The following LRRC73 variants were observed in gnomAD, a reference collection of about 807,000 sequenced individuals.
The protein encoded by LRRC73 is leucine-rich repeat-containing protein 73.
In LRRC73, 16 loss-of-function variants were observed where a neutral mutation model predicts 26.4. That is an observed-to-expected ratio of 0.61 (90% CI 0.41 to 0.92). The LOEUF is 0.92. LRRC73 is among the 40% of genes least tolerant of loss of function. The pLI is 0.00. For synonymous variants in LRRC73, 210 were observed against 179.8 expected, an observed-to-expected ratio of 1.17 and a Z score of -1.34; for missense variants, 344 against 416.3, an observed-to-expected ratio of 0.83 and a Z score of 1.51.
exon 1 of LRRC73, chr6:43,509,841 C>G: frequency 7.2e-7 from 1 of 1,393,700 alleles, no homozygotes; most frequent in Non-Finnish European, 9.3e-7. Flanking sequence ...GGTGGGGCCG[C>G]GGGCGGGGCC....
chr6:43,508,668 C>T (rs1239212321), intron 2 of LRRC73, 92 bp downstream of exon 2: 1 of 1,497,048 alleles, frequency 6.7e-7, no homozygotes, highest in Non-Finnish European at 9.0e-7. Context: ...TCGCCCACAT[C>T]ATCAGAGCTC....
intron 2 of LRRC73, 91 bp from the exon 3 acceptor site, chr6:43,508,511 T>G: frequency 6.3e-7 from 1 of 1,575,662 alleles, no homozygotes; most frequent in Non-Finnish European, 8.6e-7. Context: ...GGGGTGTCCC[T>G]AGTGGCTGGG....
At chr6:43,508,560 A>C in intron 2 of LRRC73, 140 bp from the exon 3 acceptor site, 1 of 1,429,644 alleles carries the variant, frequency 7.0e-7, no homozygotes, top group Non-Finnish European at 9.5e-7. Flanking sequence ...AGAGCCATTA[A>C]GGAGGCCCAT....
At chr6:43,507,962 A>T (rs751106636) in intron 3 of LRRC73, 36 bp from the exon 4 acceptor site, 2 of 1,558,528 alleles carry the variant, frequency 1.3e-6, no homozygotes, top group Non-Finnish European at 1.8e-6. Flanking sequence ...ATTCATACAC[A>T]TGCCTGCTAA....
exon 1 of LRRC73, chr6:43,510,068 C>T: frequency 4.0e-6 from 1 of 252,334 alleles, no homozygotes; most frequent in Non-Finnish European, 7.4e-6. Context: ...GGGCGGCCCG[C>T]ACGGTCCGTG....
In LRRC73 at chr6:43,507,811, A is replaced by G; in HGVS notation, c.657+15T>C. On this transcript the variant is annotated intron_variant, in intron 4 of 5. Coordinates refer to ENST00000372441, the Ensembl canonical transcript of LRRC73. ...CCCCATCCCCTGGCCGTGCCCAAAC[A>G]TGACGACTTCCCACCTGAGCTGACT... is the stretch of plus-strand genomic sequence containing the variant. 1 of 1,612,950 alleles carries G rather than the reference A, an allele frequency of 6.2e-7. No homozygotes were observed. The highest frequency in any genetic ancestry group is 1.3e-5 in the African/African-American group (1 of 74,986).
intron 3 of LRRC73, 109 bp from the exon 4 acceptor site, chr6:43,508,035 C>T (rs1325610126): frequency 1.8e-6 from 2 of 1,091,230 alleles, no homozygotes; most frequent in Non-Finnish European, 1.3e-6. Context: ...GCCAAGGAAA[C>T]ATGGACAATT....
intron 1 of LRRC73, 89 bp from the exon 2 acceptor site, chr6:43,509,009 A>C: frequency 7.4e-7 from 1 of 1,359,260 alleles, no homozygotes; most frequent in East Asian, 2.6e-5. Flanking sequence ...AGCCCTAGGT[A>C]TGGGGAGGGC....
At chr6:43,509,871 G>GGGCCCCGGCAGGGGTCGC (rs1164409232) in exon 1 of LRRC73, 26 of 1,259,760 alleles carry the variant, frequency 2.1e-5, no homozygotes, top group Admixed American at 4.2e-5. Flanking sequence ...GCCGGGGTCG[G>GGGCCCCGGCAGGGGTCGC]GGCCCCGGCA....
chr6:43,509,806 C>G (rs781657133), exon 1 of LRRC73: 2 of 1,495,960 alleles, frequency 1.3e-6, no homozygotes, highest in South Asian at 1.3e-5. Flanking sequence ...GCTGGGCCTC[C>G]GGGTACGGGG....
At chr6:43,509,330 C>G (rs1582168171) in intron 1 of LRRC73, among the ~76,000 whole-genome samples, 184 bp downstream of exon 1, 1 of 152,288 alleles carries the variant, frequency 6.6e-6, no homozygotes, top group South Asian at 2.1e-4. Flanking sequence ...GCTAGGGTCG[C>G]GCGTGCAAAG....
At chr6:43,510,111 G>A (rs1299787119) in exon 1 of LRRC73, 2 of 210,176 alleles carry the variant, frequency 9.5e-6, no homozygotes, top group African/African-American at 2.3e-5. Flanking sequence ...CGTTCCGGGG[G>A]TTGGGCAGGC....
At chr6:43,507,034 C>T (rs1275413185) in exon 6 of LRRC73, 3 of 590,000 alleles carry the variant, frequency 5.1e-6, no homozygotes, top group Admixed American at 6.0e-5. Flanking sequence ...AAAGGCATTG[C>T]CGTGGGTTCA....
At chr6:43,509,436 G>T in intron 1 of LRRC73, 78 bp downstream of exon 1, 2 of 1,489,582 alleles carry the variant, frequency 1.3e-6, no homozygotes, top group Non-Finnish European at 1.8e-6. Context: ...TGGAAGGAGT[G>T]TGGAGGAACA....
chr6:43,509,148 G>A (rs1792591780), intron 1 of LRRC73, among the ~76,000 whole-genome samples: 1 of 139,422 alleles, frequency 7.2e-6, no homozygotes, highest in Admixed American at 7.3e-5. Flanking sequence ...GAGGGGCAGA[G>A]AAGGGGTGGG....
At chr6:43,509,627 G>T in exon 1 of LRRC73, 1 of 1,603,738 alleles carries the variant, frequency 6.2e-7, no homozygotes, top group Non-Finnish European at 8.5e-7. Flanking sequence ...ACGTGGCCCC[G>T]GCCAGGGCCC....
In LRRC73 at chr6:43,507,911, C is replaced by G. The variant is rs202115494; in HGVS notation, c.572G>C (p.Gly191Ala). The G allele has an allele frequency of 2.6e-4, 418 of 1,613,914 alleles. 2 individuals carry two copies. The South Asian group carries it at 4.2e-3, about 16-fold the overall frequency. The change falls in exon 4 of 6, where the codon GGA (glycine) becomes GCA (alanine). Residue 191 changes from glycine to alanine, a missense_variant. Gly to Ala is a moderately conservative substitution (Grantham distance 60). Coordinates refer to ENST00000372441, the Ensembl canonical transcript of LRRC73. ...AGAGGCCACAGCTACAGCCAGCATT[C>G]CTGCCACATGGTCACCTGGGGAGAC...
chr6:43,508,325 C>A, exon 3 of LRRC73: 1 of 1,613,206 alleles, frequency 6.2e-7, no homozygotes, highest in Non-Finnish European at 8.5e-7. Context: ...AGATTGAGGA[C>A]GCGGACCTGG....
exon 1 of LRRC73, chr6:43,509,817 C>T (rs763140215): frequency 2.0e-6 from 3 of 1,475,256 alleles, no homozygotes; most frequent in African/African-American, 1.5e-5. Flanking sequence ...GGGTACGGGG[C>T]CGGAACGGAG....
Sources: allele counts gnomAD v4.1 joint callset (sites outside exome capture counted in the v4.1 genomes callset), GRCh38; gene constraint gnomAD v4.1.1; transcripts MANE v1.5; gene names NCBI Gene and HGNC (gene_info 2026-07-23, HGNC 2026-07-21).